The following FHIP2A variants were observed in gnomAD, a reference collection of about 807,000 sequenced individuals.
FHIP2A encodes the protein FHF complex subunit HOOK interacting protein 2A, also known as family with sequence similarity 160 member B1.
FHIP2A carries 46 observed loss-of-function variants against 93.5 expected under a neutral mutation model. That is an observed-to-expected ratio of 0.49 (90% CI 0.39 to 0.63). FHIP2A has a LOEUF of 0.63. Ranked by LOEUF, FHIP2A falls within the 20% of genes least tolerant of loss-of-function variation. The pLI is 0.00. For synonymous variants in FHIP2A, 332 were observed against 326.5 expected (o/e 1.02, Z -0.18); for missense variants, 769 against 909.7 (o/e 0.85, Z 1.99).
intron 2 of FHIP2A, among the ~76,000 whole-genome samples, chr10:114,832,657 T>C (rs2083613971): frequency 1.3e-5 from 2 of 152,158 alleles, no homozygotes. Context: ...AAATAGCTCT[T>C]ATTTCTGAAT....
chr10:114,857,926 G>T (rs1247335612), intron 14 of FHIP2A, among the ~76,000 whole-genome samples: 1 of 152,198 alleles, frequency 6.6e-6, no homozygotes, highest in Non-Finnish European at 1.5e-5. Context: ...TGGGAACATT[G>T]TAAGGAGGCC....
chr10:114,885,055 A>G lies in FHIP2A; in HGVS notation c.2193-14435A>G, dbSNP rs376369117. ...ATAAGAATATCCCTAAATGAATCCA[A>G]TGGCTTCTCATACTGCCCACCTTCC... is the stretch of plus-strand genomic sequence containing the variant. On this transcript the variant is annotated intron_variant, in intron 16 of 16. Coordinates refer to the FHIP2A transcript ENST00000369250. Among the ~76,000 whole-genome samples the G allele has an allele frequency of 1.3e-4, 20 of 152,118 alleles. 1 individual carries two copies. Among genetic ancestry groups the G allele is most frequent in the South Asian group, 1.2e-3 (6 of 4,816 alleles).
chr10:114,822,013 C>T lies in FHIP2A; in HGVS notation c.-66C>T. On this transcript the variant is annotated 5_prime_UTR_variant, in exon 1 of 17. Transcript: ENST00000369248. The stretch of plus-strand genomic sequence containing the variant: ...GCGGCCCCGGCAGCCGCAGCAGGGG[C>T]GGCGGCGGCGGATCGAGGAGCTCTC... 1 of 1,009,476 alleles carries T rather than the reference C, an allele frequency of 9.9e-7. No homozygotes were observed. Among genetic ancestry groups the T allele is most frequent in the Non-Finnish European group, 1.3e-6 (1 of 779,244 alleles). 62.5% of individuals were successfully genotyped at this position (1,009,476 alleles called of 1,614,324 possible).
Position 114,863,727 on chromosome 10 carries a change from C to T in FHIP2A, c.*2187C>T. 1 of 1,292,096 alleles carries T rather than the reference C, an allele frequency of 7.7e-7. No individual in the cohort carries two copies. The highest frequency in any genetic ancestry group is 1.3e-5 in the South Asian group (1 of 77,806). The allele number at this position is 1,292,096 out of a possible 1,614,324, so 80.0% of individuals were successfully genotyped here. A position where few individuals can be genotyped will look rare whatever the true frequency, so the allele number is the denominator to read the frequency against. On this transcript the variant is annotated 3_prime_UTR_variant, in exon 17 of 17. Coordinates refer to ENST00000369248, the MANE Select transcript of FHIP2A (RefSeq NM_020940.4). ...ACATTGTACTGCATCACCAGTTTTT[C>T]TTACCTTCTGTTGACAGCTGAATAT... is the stretch of plus-strand genomic sequence containing the variant.
chr10:114,854,327 T>C (rs565772561), intron 13 of FHIP2A, among the ~76,000 whole-genome samples: 1 of 152,140 alleles, frequency 6.6e-6, no homozygotes, highest in Non-Finnish European at 1.5e-5. Context: ...ACCCCATCTC[T>C]ACTAAAAATA....
At chr10:114,840,213 A>G (rs1206908075) in intron 5 of FHIP2A, among the ~76,000 whole-genome samples, 2 of 152,182 alleles carry the variant, frequency 1.3e-5, no homozygotes, top group Non-Finnish European at 2.9e-5. Context: ...ACATAGCAAG[A>G]CCTCATCTCT....
At chr10:114,867,130 A>C (rs1410501895), downstream of FHIP2A, among the ~76,000 whole-genome samples, 2 of 151,646 alleles carry the variant, frequency 1.3e-5, no homozygotes, top group African/African-American at 4.9e-5. Context: ...AATCGCTTGA[A>C]CTGGGGAGGC....
chr10:114,867,331 ACT>A (rs2083834519), downstream of FHIP2A, among the ~76,000 whole-genome samples: 1 of 152,148 alleles, frequency 6.6e-6, no homozygotes, highest in Admixed American at 6.6e-5. Flanking sequence ...GGTATAAAGC[ACT>A]AGCCCAAAGA....
intron 13 of FHIP2A, among the ~76,000 whole-genome samples, chr10:114,849,399 A>T (rs569077355): frequency 3.3e-4 from 50 of 152,248 alleles, no homozygotes; most frequent in African/African-American, 1.1e-3. Flanking sequence ...TCTGATGCAG[A>T]CAGTGATTCA....
intron 13 of FHIP2A, among the ~76,000 whole-genome samples, chr10:114,853,178 A>G (rs980935230): frequency 6.6e-6 from 1 of 152,206 alleles, no homozygotes; most frequent in Non-Finnish European, 1.5e-5. Flanking sequence ...CCCTCAAAAT[A>G]TGTAGCTTAG....
At chr10:114,881,591 T>C (rs1310633951) in intron 16 of FHIP2A, among the ~76,000 whole-genome samples, 3 of 152,110 alleles carry the variant, frequency 2.0e-5, no homozygotes, top group Admixed American at 2.0e-4. Flanking sequence ...GCCATAAATA[T>C]TTTAGAGAAG....
At chr10:114,848,603 A>C (rs1468745829) in intron 12 of FHIP2A, 44 bp from the exon 13 acceptor site, 1 of 1,112,984 alleles carries the variant, frequency 9.0e-7, no homozygotes, top group Admixed American at 2.0e-5. Flanking sequence ...TTTTTTTTTC[A>C]TGCAAATGGA....
intron 3 of FHIP2A, 120 bp downstream of exon 3, chr10:114,833,522 T>G: frequency 1.0e-6 from 1 of 1,003,806 alleles, no homozygotes; most frequent in Admixed American, 2.3e-5. Flanking sequence ...AGGATTCAAG[T>G]TAAGATTGTA....
Position 114,822,123 on chromosome 10 carries a change from G to C in FHIP2A, c.45G>C (p.Ala15=). ...FTSILQHAVE[A]LAPSLPLQED... Reference sequence around the variant, plus strand: ...CCATCCTGCAGCACGCCGTGGAGGCGGTAAGGCCGCGGGCTGCGGGCGCAC... The same window carrying C: ...CCATCCTGCAGCACGCCGTGGAGGCCGTAAGGCCGCGGGCTGCGGGCGCAC... Residue 15 remains alanine, a splice_region_variant and synonymous_variant, in exon 1 of 17, where the codon GCG becomes GCC. Coordinates refer to ENST00000369248, the MANE Select transcript of FHIP2A (RefSeq NM_020940.4). The C allele has an allele frequency of 7.5e-7, 1 of 1,331,574 alleles. No homozygotes were observed. Among genetic ancestry groups the C allele is most frequent in the Non-Finnish European group, 9.8e-7 (1 of 1,019,150 alleles). The allele number at this position is 1,331,574 out of a possible 1,614,324, so 82.5% of individuals were successfully genotyped here. A position where few individuals can be genotyped will look rare whatever the true frequency, so the allele number is the denominator to read the frequency against.
At chr10:114,844,821 G>A (rs1028661613) in intron 7 of FHIP2A, among the ~76,000 whole-genome samples, 53 of 152,006 alleles carry the variant, frequency 3.5e-4, no homozygotes, top group African/African-American at 1.2e-3. Context: ...GTCTTGCTCC[G>A]TCGCCCAGGC....
intron 2 of FHIP2A, among the ~76,000 whole-genome samples, chr10:114,832,028 T>G (rs572447934): frequency 2.0e-4 from 30 of 152,328 alleles, no homozygotes; most frequent in Admixed American, 5.2e-4. Flanking sequence ...CAGAATTGTG[T>G]TGTTCAAACT....
chr10:114,845,653 C>T (rs1678448172), intron 8 of FHIP2A, among the ~76,000 whole-genome samples, 172 bp downstream of exon 8: 1 of 152,052 alleles, frequency 6.6e-6, no homozygotes, highest in African/African-American at 2.4e-5. Context: ...TATTACAATT[C>T]CAGAATAAAT....
chr10:114,861,596 A>G lies in FHIP2A; in HGVS notation c.*56A>G. 6.3e-7 allele frequency: 1 copy of G among 1,590,316 alleles called. No homozygotes were observed. Among genetic ancestry groups the G allele is most frequent in the Non-Finnish European group, 8.5e-7 (1 of 1,170,790 alleles). On this transcript the variant is annotated 3_prime_UTR_variant, in exon 17 of 17. Coordinates refer to ENST00000369248, the MANE Select transcript of FHIP2A (RefSeq NM_020940.4). ...AACTACTGTGTACATTTCACCAAAA[A>G]AGACTCAGTTCCACCCAGCCACAAG...
intron 14 of FHIP2A, among the ~76,000 whole-genome samples, chr10:114,859,905 C>G (rs1396524539): frequency 6.6e-6 from 1 of 152,172 alleles, no homozygotes; most frequent in Non-Finnish European, 1.5e-5. Flanking sequence ...GTCATCAGTT[C>G]TATCCCCAAG....
Sources: gnomAD v4.1 joint callset for allele counts (sites outside exome capture counted in the v4.1 genomes callset) on GRCh38, gnomAD v4.1.1 for gene constraint, MANE v1.5 for transcripts, NCBI Gene and HGNC (gene_info 2026-07-23, HGNC 2026-07-21) for gene names.